MSH3: variants seen among roughly 807,000 people sequenced by gnomAD.
The protein encoded by MSH3 is mutS homolog 3.
In MSH3, 106 loss-of-function variants were observed where a neutral mutation model predicts 123.3. That is an observed-to-expected ratio of 0.86 (90% CI 0.73 to 1.01). MSH3 has a LOEUF of 1.01. Among genes scored for constraint, MSH3 ranks in the 50% least tolerant of loss-of-function variants. MSH3 has a pLI of 0.00. For missense variants in MSH3, 1,459 were observed against 1,347.6 expected, an observed-to-expected ratio of 1.08 and a Z score of -1.29; for synonymous variants, 515 against 481.4, an observed-to-expected ratio of 1.07 and a Z score of -0.91.
chr5:80,811,976 T>C lies in MSH3; in HGVS notation c.2656-1608T>C, dbSNP rs1300291013. ...TGTAAAATTCATTTTATTTTTATCATTAGTTTTATCATTCTGCTTATACCA... is the reference window on the plus strand; with the variant it reads ...TGTAAAATTCATTTTATTTTTATCACTAGTTTTATCATTCTGCTTATACCA... On this transcript the variant is annotated intron_variant, in intron 19 of 23. Transcript: ENST00000265081. Among the ~76,000 whole-genome samples, 7 of 152,166 alleles carry C rather than the reference T, an allele frequency of 4.6e-5. No homozygotes were observed. The East Asian group carries it at 7.7e-4, about 17-fold the overall frequency.
intron 8 of MSH3, among the ~76,000 whole-genome samples, chr5:80,688,285 T>C (rs1273152046): frequency 6.6e-6 from 1 of 152,244 alleles, no homozygotes; most frequent in African/African-American, 2.4e-5. Flanking sequence ...CATTGAAATC[T>C]TAATGTTGGG....
At chr5:80,752,484 T>C (rs989907079) in intron 12 of MSH3, among the ~76,000 whole-genome samples, 6 of 152,194 alleles carry the variant, frequency 3.9e-5, no homozygotes, top group African/African-American at 2.4e-5. Flanking sequence ...GCCAAGCACA[T>C]AGGGGACCTT....
At chr5:80,734,106 G>T (rs576845005) in intron 10 of MSH3, among the ~76,000 whole-genome samples, 1 of 152,278 alleles carries the variant, frequency 6.6e-6, no homozygotes, top group South Asian at 2.1e-4. Context: ...TACAATAGAA[G>T]ATTTTTCAAC....
At chr5:80,826,098 A>C (rs1745294245) in intron 20 of MSH3, among the ~76,000 whole-genome samples, 1 of 152,226 alleles carries the variant, frequency 6.6e-6, no homozygotes, top group Non-Finnish European at 1.5e-5. Flanking sequence ...TGTCATTCTT[A>C]GAACAGCTGC....
intron 8 of MSH3, among the ~76,000 whole-genome samples, chr5:80,701,814 GCTTT>G (rs1402781892): frequency 6.6e-6 from 1 of 151,990 alleles, no homozygotes; most frequent in Non-Finnish European, 1.5e-5. Flanking sequence ...CTGCTTGCTT[GCTTT>G]GAGATTATTT....
intron 18 of MSH3, among the ~76,000 whole-genome samples, chr5:80,790,596 A>T (rs1304220431): frequency 6.6e-6 from 1 of 152,200 alleles, no homozygotes; most frequent in Non-Finnish European, 1.5e-5. Context: ...GAGAATGATG[A>T]TGCAGAAGTG....
chr5:80,692,634 TTA>T (rs1376642525), intron 8 of MSH3, among the ~76,000 whole-genome samples: 5 of 139,590 alleles, frequency 3.6e-5, no homozygotes, highest in African/African-American at 1.1e-4. Flanking sequence ...ATGTATATGT[TTA>T]TATATGTTTA....
intron 12 of MSH3, among the ~76,000 whole-genome samples, chr5:80,753,701 A>G (rs151887): frequency 0.35 from 52,698 of 151,874 alleles, 9,321 homozygotes; most frequent in East Asian, 0.59. Flanking sequence ...TTTTCTTTGC[A>G]TAAACAATCC....
intron 19 of MSH3, among the ~76,000 whole-genome samples, chr5:80,803,412 A>AT (rs1032387662): frequency 2.7e-5 from 4 of 149,472 alleles, no homozygotes; most frequent in Non-Finnish European, 6.0e-5. Flanking sequence ...CCATTTTTAA[A>AT]TTTTTTTTCA....
Position 80,848,096 on chromosome 5 carries a change from A to G in MSH3, c.2814-6034A>G, listed in dbSNP as rs1184710884. Among the ~76,000 whole-genome samples the G allele has an allele frequency of 2.6e-5, 4 of 152,284 alleles. No individual in the cohort carries two copies. In the East Asian group the frequency reaches 5.8e-4, roughly 22 times the overall value. On this transcript the variant is annotated intron_variant, in intron 20 of 23. Transcript: ENST00000265081. The stretch of plus-strand genomic sequence containing the variant: ...AGATACAAAAAATAAAAAATTAGCC[A>G]GGCATGCCTGTAGTCCCAGCTTCCC...
At chr5:80,802,574 A>G (rs1461801342) in intron 19 of MSH3, among the ~76,000 whole-genome samples, 2 of 152,268 alleles carry the variant, frequency 1.3e-5, no homozygotes, top group East Asian at 1.9e-4. Flanking sequence ...TTTATGTTAC[A>G]AACAATCCAG....
intron 3 of MSH3, among the ~76,000 whole-genome samples, chr5:80,668,328 C>T (rs1166722305): frequency 6.6e-6 from 1 of 152,182 alleles, no homozygotes. Context: ...CAGGCTGTTC[C>T]TGGCTTGAAG....
intron 8 of MSH3, among the ~76,000 whole-genome samples, chr5:80,689,958 C>G (rs941857968): frequency 6.6e-6 from 1 of 152,040 alleles, no homozygotes; most frequent in Non-Finnish European, 1.5e-5. Flanking sequence ...GCGGTCATAG[C>G]TCATTGCAGC....
At chr5:80,739,051 G>T (rs890247721) in intron 10 of MSH3, among the ~76,000 whole-genome samples, 2 of 152,148 alleles carry the variant, frequency 1.3e-5, no homozygotes, top group South Asian at 2.1e-4. Flanking sequence ...TTTACAAACT[G>T]CCCATTCTGA....
At chr5:80,708,975 A>G (rs6151706) in intron 8 of MSH3, among the ~76,000 whole-genome samples, 34,439 of 151,806 alleles carry the variant, frequency 0.23, 4,098 homozygotes, top group Non-Finnish European at 0.27. Context: ...GGGTTTCACC[A>G]TGTTGGCCAG....
chr5:80,803,513 T>G lies in MSH3; in HGVS notation c.2656-10071T>G, dbSNP rs183907831. 2.4e-3 allele frequency among the ~76,000 whole-genome samples: 239 copies of G among 101,356 alleles called. 1 individual carries two copies. Among genetic ancestry groups the G allele is most frequent in the African/African-American group, 7.4e-3 (235 of 31,762 alleles). 66.5% of individuals were successfully genotyped at this position (101,356 alleles called of 152,430 possible). ...ATGGTTTGCAAATATTTTCTCCCATTCTGTGGGTTGTCTCTTCACTTTGTT... is the reference window on the plus strand; with the variant it reads ...ATGGTTTGCAAATATTTTCTCCCATGCTGTGGGTTGTCTCTTCACTTTGTT... On this transcript the variant is annotated intron_variant, in intron 19 of 23. Coordinates refer to ENST00000265081, the MANE Select transcript of MSH3 (RefSeq NM_002439.5).
intron 4 of MSH3, among the ~76,000 whole-genome samples, chr5:80,670,542 G>A (rs758888854): frequency 6.6e-6 from 1 of 152,156 alleles, no homozygotes; most frequent in South Asian, 2.1e-4. Flanking sequence ...CTTATTCTCC[G>A]TGGTACTAGG....
intron 19 of MSH3, among the ~76,000 whole-genome samples, chr5:80,802,591 T>C (rs897642012): frequency 1.4e-4 from 22 of 152,094 alleles, no homozygotes; most frequent in Non-Finnish European, 2.9e-4. Context: ...CCAGTTATAC[T>C]CTTAGTTATT....
chr5:80,736,076 A>T (rs1580593921), intron 10 of MSH3, among the ~76,000 whole-genome samples: 2 of 152,198 alleles, frequency 1.3e-5, no homozygotes, highest in East Asian at 3.9e-4. Context: ...AATACAAAAA[A>T]TTAGCTGGGC....
Sources: allele counts gnomAD v4.1 joint callset (sites outside exome capture counted in the v4.1 genomes callset), GRCh38; gene constraint gnomAD v4.1.1; transcripts MANE v1.5; gene names NCBI Gene and HGNC (gene_info 2026-07-23, HGNC 2026-07-21).